Variants in CCDC7 observed in about 807,000 individuals in gnomAD.
The protein encoded by CCDC7 is coiled-coil domain-containing protein 7.
CCDC7 carries 183 observed loss-of-function variants against 196.9 expected under a neutral mutation model. That is an observed-to-expected ratio of 0.93 (90% CI 0.82 to 1.05). The LOEUF (loss-of-function observed/expected upper bound fraction) is 1.05, where lower values mean the gene tolerates loss of function less well. Ranked by LOEUF, CCDC7 falls within the 50% of genes least tolerant of loss-of-function variation. The probability of loss-of-function intolerance (pLI) is 0.00; values close to 1 mark genes in which losing one functional copy is unlikely to be tolerated. For synonymous variants in CCDC7, 525 were observed against 484.6 expected (o/e 1.08, Z -1.10); for missense variants, 1,540 against 1,482.2 (o/e 1.04, Z -0.64).
chr10:32,849,014 G>T (rs2093426909), intron 39 of CCDC7, among the ~76,000 whole-genome samples: 1 of 151,438 alleles, frequency 6.6e-6, no homozygotes, highest in Non-Finnish European at 1.5e-5. Context: ...TTTCCAGATT[G>T]CTTTCCTAAA....
intron 8 of CCDC7, among the ~76,000 whole-genome samples, chr10:32,483,057 C>T (rs1156815073): frequency 6.6e-6 from 1 of 152,132 alleles, no homozygotes; most frequent in Non-Finnish European, 1.5e-5. Flanking sequence ...AGTTCTAGAT[C>T]CTTGAGGAAT....
At chr10:32,585,286 G>A (rs2059151750) in intron 18 of CCDC7, among the ~76,000 whole-genome samples, 1 of 152,138 alleles carries the variant, frequency 6.6e-6, no homozygotes, top group African/African-American at 2.4e-5. Flanking sequence ...TGTTAGACAG[G>A]ATGGTCTCGA....
intron 39 of CCDC7, 144 bp from the exon 41 acceptor site, chr10:32,851,663 T>G: frequency 1.4e-6 from 1 of 722,322 alleles, no homozygotes; most frequent in Non-Finnish European, 2.1e-6. Context: ...TTTGTTGCAG[T>G]CTATGTATCC....
intron 9 of CCDC7, among the ~76,000 whole-genome samples, chr10:32,500,870 C>G (rs4016794): frequency 0.25 from 38,314 of 152,138 alleles, 5,416 homozygotes; most frequent in South Asian, 0.44. Flanking sequence ...CACGGCGAAA[C>G]CCCGTCTCCA....
At chr10:32,505,933 G>T (rs553242318) in intron 9 of CCDC7, among the ~76,000 whole-genome samples, 1 of 148,020 alleles carries the variant, frequency 6.8e-6, no homozygotes, top group African/African-American at 2.5e-5. Context: ...GCCGGGCAGA[G>T]GTGCTCCTCA....
intron 25 of CCDC7, among the ~76,000 whole-genome samples, chr10:32,718,871 A>C (rs1464091115): frequency 6.6e-6 from 1 of 152,214 alleles, no homozygotes; most frequent in African/African-American, 2.4e-5. Flanking sequence ...AGGAAGTAAG[A>C]GAAGAGATAA....
downstream of CCDC7, chr10:32,877,224 T>C (rs2136986016): frequency 6.6e-6 from 1 of 152,212 alleles, no homozygotes; most frequent in South Asian, 2.1e-4. Flanking sequence ...ACAATTTATA[T>C]GGTTAGAAAA....
intron 9 of CCDC7, chr10:32,513,321 C>T (rs1279925033): frequency 1.3e-5 from 2 of 151,912 alleles, no homozygotes; most frequent in Non-Finnish European, 2.9e-5. Flanking sequence ...TGTGACTGAA[C>T]TTATAAGTAG....
intron 28 of CCDC7, among the ~76,000 whole-genome samples, chr10:32,752,224 C>G (rs902503399): frequency 6.6e-6 from 1 of 150,642 alleles, no homozygotes; most frequent in African/African-American, 2.5e-5. Context: ...ATGAGGTTGA[C>G]TAGTATTTAT....
intron 29 of CCDC7, among the ~76,000 whole-genome samples, chr10:32,791,137 C>A (rs184633728): frequency 6.6e-6 from 1 of 152,076 alleles, no homozygotes; most frequent in South Asian, 2.1e-4. Context: ...TGACATGGAT[C>A]GCAGGTAAGG....
intron 21 of CCDC7, among the ~76,000 whole-genome samples, chr10:32,672,372 A>G (rs536951391): frequency 6.6e-6 from 1 of 152,260 alleles, no homozygotes; most frequent in African/African-American, 2.4e-5. Flanking sequence ...TTGGAATGCA[A>G]ACTACCTTGC....
intron 39 of CCDC7, among the ~76,000 whole-genome samples, chr10:32,850,507 G>A (rs1317319876): frequency 6.6e-6 from 1 of 152,098 alleles, no homozygotes; most frequent in Non-Finnish European, 1.5e-5. Flanking sequence ...AGTTAGTATG[G>A]AAGAACATCA....
chr10:32,574,028 C>G (rs187788420), intron 16 of CCDC7, among the ~76,000 whole-genome samples: 101 of 152,170 alleles, frequency 6.6e-4, no homozygotes, highest in African/African-American at 2.3e-3. Flanking sequence ...CTATTTCTGA[C>G]TGGATTAAGA....
intron 28 of CCDC7, among the ~76,000 whole-genome samples, chr10:32,777,007 C>T (rs955730370): frequency 1.3e-5 from 2 of 152,058 alleles, no homozygotes; most frequent in African/African-American, 4.8e-5. Flanking sequence ...GAATGCATCA[C>T]CCAGATAGCA....
At chr10:32,655,330 A>G (rs554055249) in intron 20 of CCDC7, among the ~76,000 whole-genome samples, 1 of 152,012 alleles carries the variant, frequency 6.6e-6, no homozygotes, top group Non-Finnish European at 1.5e-5. Context: ...CTGTACACAT[A>G]TTTTCAATTG....
At chr10:32,624,170 A>G (rs914673246) in intron 18 of CCDC7, among the ~76,000 whole-genome samples, 18 of 152,100 alleles carry the variant, frequency 1.2e-4, no homozygotes, top group African/African-American at 4.3e-4. Flanking sequence ...ACCACTTTTC[A>G]CCACCTCCAC....
At chr10:32,497,285 C>T (rs2043062307) in intron 9 of CCDC7, among the ~76,000 whole-genome samples, 1 of 152,082 alleles carries the variant, frequency 6.6e-6, no homozygotes, top group Non-Finnish European at 1.5e-5. Flanking sequence ...TCTCCCCTTT[C>T]TTCTTCATTA....
intron 41 of CCDC7, among the ~76,000 whole-genome samples, chr10:32,861,576 T>C (rs2093985442): frequency 6.6e-6 from 1 of 151,934 alleles, no homozygotes; most frequent in Non-Finnish European, 1.5e-5. Flanking sequence ...ACAAATGAGA[T>C]CTAATTAAAC....
At chr10:32,464,935 TA>T (rs1489832571) in intron 5 of CCDC7, among the ~76,000 whole-genome samples, 2 of 152,188 alleles carry the variant, frequency 1.3e-5, no homozygotes, top group Non-Finnish European at 2.9e-5. Context: ...CATTCCTCTC[TA>T]AAGGCCTATT....
Sources: allele counts gnomAD v4.1 joint callset (sites outside exome capture counted in the v4.1 genomes callset), GRCh38; gene constraint gnomAD v4.1.1; transcripts MANE v1.5; gene names NCBI Gene and HGNC (gene_info 2026-07-23, HGNC 2026-07-21).